ATP11A: variants seen among roughly 807,000 people sequenced by gnomAD.
ATP11A encodes the protein ATPase phospholipid transporting 11A, also known as phospholipid-transporting ATPase IH.
Under a neutral mutation model 154.4 loss-of-function variants are expected in ATP11A, and 81 were observed. That is an observed-to-expected ratio of 0.52 (90% CI 0.44 to 0.63). The LOEUF is 0.63. ATP11A is among the 30% of genes least tolerant of loss of function. The pLI is 0.00. For synonymous variants in ATP11A, 623 were observed against 585.9 expected (o/e 1.06, Z -0.91); for missense variants, 1,316 against 1,474.3 (o/e 0.89, Z 1.76).
At chr13:112,741,149 G>A (rs1018177733) in intron 1 of ATP11A, among the ~76,000 whole-genome samples, 1 of 152,218 alleles carries the variant, frequency 6.6e-6, no homozygotes, top group Non-Finnish European at 1.5e-5. Context: ...TCTGTTTGCT[G>A]TGTCTGTGTT....
intron 25 of ATP11A, 92 bp downstream of exon 25, chr13:112,862,667 C>T (rs1368535427): frequency 9.1e-6 from 14 of 1,532,566 alleles, no homozygotes; most frequent in Non-Finnish European, 1.2e-5. Flanking sequence ...GAATTCAGTG[C>T]AGCCCATGCA....
At chr13:112,816,989 T>C (rs762002841) in intron 6 of ATP11A, among the ~76,000 whole-genome samples, 1 of 152,244 alleles carries the variant, frequency 6.6e-6, no homozygotes, top group Non-Finnish European at 1.5e-5. Flanking sequence ...TTTTTGTGAA[T>C]GTATCTTAGT....
chr13:112,802,552 CAAAAAAAA>C (rs35889771), intron 2 of ATP11A, among the ~76,000 whole-genome samples: 94 of 80,940 alleles, frequency 1.2e-3, no homozygotes, highest in African/African-American at 4.2e-3. Flanking sequence ...ACTGGACATG[CAAAAAAAA>C]AAAAAAAAAA....
rs564705640 is a variant in ATP11A at position 112,728,595 on chromosome 13, T to G, written c.39+38140T>G. ...GTACCGCGTTGTCACTATCCACTCG[T>G]GGGGGGGCCGTGAGACCGTGCGGCC... On this transcript the variant is annotated intron_variant, in intron 1 of 29. Transcript: ENST00000375645. 7.7e-4 allele frequency among the ~76,000 whole-genome samples: 113 copies of G among 147,466 alleles called. 1 individual carries two copies. The highest frequency in any genetic ancestry group is 1.7e-3 in the Admixed American group (25 of 14,830).
At chr13:112,714,905 A>C (rs1202056966) in intron 1 of ATP11A, among the ~76,000 whole-genome samples, 2 of 152,056 alleles carry the variant, frequency 1.3e-5, no homozygotes, top group African/African-American at 4.8e-5. Flanking sequence ...CTTCTTCCCA[A>C]ACTGAAACTC....
At chr13:112,869,506 G>T (rs538804775) in intron 25 of ATP11A, among the ~76,000 whole-genome samples, 8 of 152,216 alleles carry the variant, frequency 5.3e-5, no homozygotes, top group Non-Finnish European at 8.8e-5. Context: ...CACCTGTGGC[G>T]CTGTTGGTGA....
chr13:112,752,116 G>A (rs549235241), intron 1 of ATP11A, among the ~76,000 whole-genome samples: 1 of 152,274 alleles, frequency 6.6e-6, no homozygotes, highest in Non-Finnish European at 1.5e-5. Flanking sequence ...AAATTAGGAT[G>A]TTTCCTTTCT....
chr13:112,787,125 G>A (rs1280287375), intron 2 of ATP11A, among the ~76,000 whole-genome samples: 1 of 127,212 alleles, frequency 7.9e-6, no homozygotes, highest in African/African-American at 3.4e-5. Context: ...CTGACGTGTA[G>A]ACCCCTGTGG....
chr13:112,776,910 G>T (rs532325469), intron 1 of ATP11A, among the ~76,000 whole-genome samples: 1 of 152,140 alleles, frequency 6.6e-6, no homozygotes, highest in East Asian at 1.9e-4. Context: ...ATGACCTGTC[G>T]GGTGAGAGGC....
chr13:112,729,853 T>C (rs1566394552), intron 1 of ATP11A, among the ~76,000 whole-genome samples: 1 of 152,258 alleles, frequency 6.6e-6, no homozygotes, highest in Non-Finnish European at 1.5e-5. Context: ...TGTCAGTGAT[T>C]AATCTGATTG....
chr13:112,876,782 G>A (rs945970), intron 28 of ATP11A, among the ~76,000 whole-genome samples: 90,377 of 152,026 alleles, frequency 0.59, 27,082 homozygotes, highest in Admixed American at 0.66. Context: ...CGGGGAGTGA[G>A]TGGGGGCCGG....
chr13:112,832,769 C>A (rs2079130557), intron 13 of ATP11A, 91 bp from the exon 14 acceptor site: 1 of 1,498,710 alleles, frequency 6.7e-7, no homozygotes, highest in South Asian at 1.3e-5. Context: ...ACCCCCCCCA[C>A]CCCGCTTCTT....
chr13:112,707,030 A>G (rs1887214466), intron 1 of ATP11A, among the ~76,000 whole-genome samples: 1 of 152,268 alleles, frequency 6.6e-6, no homozygotes, highest in South Asian at 2.1e-4. Flanking sequence ...TGGGTTGTAA[A>G]GCAGTGGAGA....
At chr13:112,766,672 G>A (rs1174307274) in intron 1 of ATP11A, among the ~76,000 whole-genome samples, 1 of 152,086 alleles carries the variant, frequency 6.6e-6, no homozygotes, top group African/African-American at 2.4e-5. Flanking sequence ...CCCCCAGGAT[G>A]GGGGCAGAAG....
chr13:112,885,702 AAGTG>A lies in ATP11A; in HGVS notation c.*3837_*3840del, dbSNP rs2080969457. ...ACATATACACACATGTGCCACAAAC[AAGTG>A]CACACTGTCCTGGTGTCCTGCACTG... On this transcript the variant is annotated 3_prime_UTR_variant, in exon 30 of 30. Transcript: ENST00000375645. 1 of 152,284 alleles carries A rather than the reference AAGTG, an allele frequency of 6.6e-6. No homozygotes were observed. The allele number at this position is 152,284 out of a possible 1,614,324, so 9.4% of individuals were successfully genotyped here. A position where few individuals can be genotyped will look rare whatever the true frequency, so the allele number is the denominator to read the frequency against.
intron 4 of ATP11A, among the ~76,000 whole-genome samples, chr13:112,810,346 A>G (rs767223204): frequency 2.0e-5 from 3 of 152,258 alleles, no homozygotes; most frequent in Non-Finnish European, 2.9e-5. Flanking sequence ...GTACAGTTGT[A>G]TAGTACTTAT....
intron 27 of ATP11A, among the ~76,000 whole-genome samples, chr13:112,874,974 C>A (rs1417310733): frequency 6.6e-6 from 1 of 152,142 alleles, no homozygotes; most frequent in African/African-American, 2.4e-5. Context: ...AAACATTGAC[C>A]CCACGTCTTT....
At chr13:112,776,880 AG>A (rs2077362060) in intron 1 of ATP11A, among the ~76,000 whole-genome samples, 1 of 150,438 alleles carries the variant, frequency 6.6e-6, no homozygotes, top group Non-Finnish European at 1.5e-5. Flanking sequence ...TACAGGCTTG[AG>A]CCCCCGCGAC....
chr13:112,798,177 C>T (rs987076640), intron 2 of ATP11A, among the ~76,000 whole-genome samples: 20 of 152,238 alleles, frequency 1.3e-4, no homozygotes, highest in Non-Finnish European at 2.2e-4. Context: ...TTGAAGGCCC[C>T]GCCTCCTGGG....
Sources: gnomAD v4.1 joint callset for allele counts (sites outside exome capture counted in the v4.1 genomes callset) on GRCh38, gnomAD v4.1.1 for gene constraint, MANE v1.5 for transcripts, NCBI Gene and HGNC (gene_info 2026-07-23, HGNC 2026-07-21) for gene names.